HRNR: variants seen among roughly 807,000 people sequenced by gnomAD.
The protein encoded by HRNR is hornerin.
Under a neutral mutation model 4.8 loss-of-function variants are expected in HRNR, and 7 were observed. The observed-to-expected ratio is 1.47, with a 90% CI of 0.83 to 2.75. The LOEUF (loss-of-function observed/expected upper bound fraction) is 2.75, where lower values mean the gene tolerates loss of function less well. Among genes scored for constraint, HRNR ranks in the 30% most tolerant of loss-of-function variants. HRNR has a pLI of 0.00. For synonymous variants in HRNR, 1,023 were observed against 1,242.7 expected (o/e 0.82, Z 3.72); for missense variants, 2,879 against 3,010.4 (o/e 0.96, Z 1.02).
In HRNR at chr1:152,219,230, C is replaced by A. The variant is rs1570841866; in HGVS notation, c.2399G>T (p.Cys800Phe). The A allele has an allele frequency of 1.2e-6, 2 of 1,613,746 alleles. No individual in the cohort carries two copies. Among genetic ancestry groups the A allele is most frequent in the Non-Finnish European group, 1.7e-6 (2 of 1,179,882 alleles). The change falls in exon 3 of 3, where the codon TGT (cysteine) becomes TTT (phenylalanine). Residue 800 changes from cysteine (C) to phenylalanine (F), a missense_variant. Cys to Phe is a radical substitution (Grantham distance 205, BLOSUM62 -2). Around this residue, in one of 8 missense-constraint regions of HRNR, gnomAD observed 2,646 missense variants for 1,377.7 expected, o/e 1.92. Coordinates refer to ENST00000368801, the MANE Select transcript of HRNR (RefSeq NM_001009931.3). The part of the protein sequence containing the change: ...SHGQHGSGTS[C>F]SSSCGHYESG... Reference sequence around the variant, plus strand: ...CTCATAATGGCCACAGCTGGAAGAACAACTTGTGCCAGACCCGTGTTGGCC... The same window carrying A: ...CTCATAATGGCCACAGCTGGAAGAAAAACTTGTGCCAGACCCGTGTTGGCC...
In HRNR at chr1:152,220,581, G is replaced by T. The variant is rs372607550; in HGVS notation, c.1048C>A (p.Gln350Lys). The T allele has an allele frequency of 1.2e-6, 2 of 1,608,176 alleles. No individual in the cohort carries two copies. The highest frequency in any genetic ancestry group is 1.3e-5 in the African/African-American group (1 of 74,864). Residue 350 changes from glutamine to lysine, a missense_variant, in exon 3 of 3, where the codon CAA becomes AAA. This residue lies in a region of HRNR where 2,646 missense variants were observed against 1,377.7 expected (regional missense o/e 1.92). Coordinates refer to ENST00000368801, the MANE Select transcript of HRNR (RefSeq NM_001009931.3). ...GACTGTCCTGAGCCAGACTCATGTT[G>T]CCCAAAGCCAGAAGTCTGGCCTGAG... ...SGSGQTSGFGQHESGSGQSSG... is the reference protein window; with the variant it reads ...SGSGQTSGFGKHESGSGQSSG...
chr1:152,222,984 C>T (rs1249714347), intron 2 of HRNR, 132 bp downstream of exon 2: 5 of 925,752 alleles, frequency 5.4e-6, no homozygotes, highest in Non-Finnish European at 8.2e-6. Context: ...TTATCTCAAA[C>T]TTTTACCAAA....
Position 152,220,308 on chromosome 1 carries a change from G to T in HRNR, c.1321C>A (p.Gln441Lys). Residue 441 changes from glutamine (Q) to lysine (K), a missense_variant, in exon 3 of 3, where the codon CAA becomes AAA. By Grantham distance (53) the Gln-to-Lys change is moderately conservative. Around this residue, in one of 8 missense-constraint regions of HRNR, gnomAD observed 2,646 missense variants for 1,377.7 expected, o/e 1.92. Coordinates refer to ENST00000368801, the MANE Select transcript of HRNR (RefSeq NM_001009931.3). Reference sequence around the variant, plus strand: ...GATCGACCAAAGCCAGTCCCATGTTGGCCGGAGCTGGGAGACTGCCCTGAC... The same window carrying T: ...GATCGACCAAAGCCAGTCCCATGTTTGCCGGAGCTGGGAGACTGCCCTGAC... The part of the protein sequence containing the change: ...SGSGQSPSSG[Q>K]HGTGFGRSSS... 2 of 1,613,970 alleles carry T rather than the reference G, an allele frequency of 1.2e-6. No individual in the cohort carries two copies. Among genetic ancestry groups the T allele is most frequent in the Non-Finnish European group, 1.7e-6 (2 of 1,179,966 alleles).
intron 1 of HRNR, among the ~76,000 whole-genome samples, chr1:152,223,535 T>G (rs985096684): frequency 1.3e-5 from 2 of 152,248 alleles, no homozygotes; most frequent in African/African-American, 4.8e-5. Flanking sequence ...CTTTCTGTTT[T>G]TGGCTTCCTG....
chr1:152,219,105 C>G lies in HRNR; in HGVS notation c.2524G>C (p.Gly842Arg), dbSNP rs1570841456. 6.2e-7 allele frequency: 1 copy of G among 1,612,836 alleles called. No homozygotes were observed. Among genetic ancestry groups the G allele is most frequent in the Non-Finnish European group, 8.5e-7 (1 of 1,179,764 alleles). ...TGCCCTGACGTAGATCCATGTCGTC[C>G]CTGGCTAGAGAAGTGACCTGAGGCA... Reference protein sequence around the residue: ...GSASGHFSSQGRHGSTSGQSS... With the variant: ...GSASGHFSSQRRHGSTSGQSS... Residue 842 changes from glycine to arginine, a missense_variant, in exon 3 of 3, where the codon GGA (glycine) becomes CGA (arginine). Gly to Arg is a moderately radical substitution (Grantham distance 125, BLOSUM62 -2). Coordinates refer to ENST00000368801, the MANE Select transcript of HRNR (RefSeq NM_001009931.3).
rs760742458 is a variant in HRNR at position 152,219,080 on chromosome 1, T to C, written c.2549A>G (p.Gln850Arg). The C allele has an allele frequency of 2.0e-5, 32 of 1,613,528 alleles. No homozygotes were observed. In the South Asian group the frequency reaches 3.4e-4, roughly 17 times the overall value. The change falls in exon 3 of 3, where the codon CAG becomes CGG. Residue 850 changes from glutamine to arginine, a missense_variant. Gln to Arg is a conservative substitution (Grantham distance 43). This residue lies in a region of HRNR where 2,646 missense variants were observed against 1,377.7 expected (regional missense o/e 1.92). Transcript: ENST00000368801. ...GTCATGTTGGCCGGAGCTTGATGAC[T>C]GCCCTGACGTAGATCCATGTCGTCC... is the stretch of plus-strand genomic sequence containing the variant. Reference protein sequence around the residue: ...SQGRHGSTSGQSSSSGQHDSS... With the variant: ...SQGRHGSTSGRSSSSGQHDSS...
In HRNR at chr1:152,221,380, C is replaced by G; in HGVS notation, c.249G>C (p.Gln83His). 1 of 1,613,970 alleles carries G rather than the reference C, an allele frequency of 6.2e-7. No individual in the cohort carries two copies. The highest frequency in any genetic ancestry group is 8.5e-7 in the Non-Finnish European group (1 of 1,180,016). ...EYLLMIFKLV[Q>H]ARNKIIGKDY... ...CTTTGCCAATGATTTTATTACGAGCCTGAACCAGCTTGAATATCATCAGAA... is the reference window on the plus strand; with the variant it reads ...CTTTGCCAATGATTTTATTACGAGCGTGAACCAGCTTGAATATCATCAGAA... The change falls in exon 3 of 3, where the codon CAG (glutamine) becomes CAC (histidine). Residue 83 changes from glutamine to histidine, a missense_variant. By Grantham distance (24) the Gln-to-His change is conservative. Coordinates refer to ENST00000368801, the MANE Select transcript of HRNR (RefSeq NM_001009931.3).
rs770838563 is a variant in HRNR, at chr1:152,218,625, C to T, written c.3004G>A (p.Gly1002Arg). 7.4e-6 allele frequency: 12 copies of T among 1,613,680 alleles called. No homozygotes were observed. Among genetic ancestry groups the T allele is most frequent in the South Asian group, 5.5e-5 (5 of 91,042 alleles). The change falls in exon 3 of 3, where the codon GGA becomes AGA. Residue 1002 changes from glycine to arginine, a missense_variant. By Grantham distance (125) the Gly-to-Arg change is moderately radical. Around this residue, in one of 8 missense-constraint regions of HRNR, gnomAD observed 2,646 missense variants for 1,377.7 expected, o/e 1.92. Transcript: ENST00000368801. ...QSLGHGQHGS[G>R]SGQSPSPSRG... ...CTAGGGCTAGGAGACTGGCCAGATCCAGACCCATGTTGGCCGTGGCCCAAA... is the reference window on the plus strand; with the variant it reads ...CTAGGGCTAGGAGACTGGCCAGATCTAGACCCATGTTGGCCGTGGCCCAAA...
intron 1 of HRNR, 74 bp from the exon 2 acceptor site, chr1:152,223,352 T>A: frequency 1.1e-6 from 1 of 876,232 alleles, no homozygotes; most frequent in South Asian, 1.8e-5. Flanking sequence ...TAGTTCTAAT[T>A]ATTTATAATA....
In HRNR at chr1:152,220,423, C is replaced by T; in HGVS notation, c.1206G>A (p.Gln402=). ...SSSRQSSSYG[Q]HESASRHSSG... is the part of the protein sequence containing the mutation. ...AAGAGTGACGGGAGGCAGACTCATG[C>T]TGACCATAGCTGGAAGACTGACGTG... The change falls in exon 3 of 3, where the codon CAG becomes CAA. Residue 402 remains glutamine, a synonymous_variant. Transcript: ENST00000368801. 1.2e-6 allele frequency: 2 copies of T among 1,613,996 alleles called. No individual in the cohort carries two copies. Among genetic ancestry groups the T allele is most frequent in the African/African-American group, 1.3e-5 (1 of 75,004 alleles).
rs773617840 is a variant in HRNR at position 152,220,266 on chromosome 1, A to G, written c.1363T>C (p.Tyr455His). 3.8e-5 allele frequency: 61 copies of G among 1,613,650 alleles called. No individual in the cohort carries two copies. The highest frequency in any genetic ancestry group is 4.7e-5 in the Non-Finnish European group (55 of 1,179,942). The stretch of plus-strand genomic sequence containing the variant: ...GAAGAGTAGCCTGAACCAGACACAT[A>G]TGGGCCACTGCTGGAAGATCGACCA... ...GFGRSSSSGP[Y>H]VSGSGYSSGF... Residue 455 changes from tyrosine to histidine, a missense_variant, in exon 3 of 3, where the codon TAT (tyrosine) becomes CAT (histidine). Physicochemically the swap from Tyr to His is moderately conservative, Grantham distance 83. Coordinates refer to ENST00000368801, the MANE Select transcript of HRNR (RefSeq NM_001009931.3).
Position 152,219,336 on chromosome 1 carries a change from G to C in HRNR, c.2293C>G (p.His765Asp). Residue 765 changes from histidine (H) to aspartate (D), a missense_variant, in exon 3 of 3, where the codon CAC becomes GAC. By Grantham distance (81) the His-to-Asp change is moderately conservative. Transcript: ENST00000368801. ...CCAGATCCAGACCCTTGTCGGCCGT[G>C]GCCCGAAGATTGATGGGAGCCCGAC... The part of the protein sequence containing the change: ...HGSGSHQSSG[H>D]GRQGSGSGHS... 3.7e-6 allele frequency: 6 copies of C among 1,612,832 alleles called. No individual in the cohort carries two copies. Among genetic ancestry groups the C allele is most frequent in the Non-Finnish European group, 5.1e-6 (6 of 1,179,834 alleles).
chr1:152,223,773 A>G (rs1396469389), intron 1 of HRNR, among the ~76,000 whole-genome samples: 1 of 152,202 alleles, frequency 6.6e-6, no homozygotes, highest in Non-Finnish European at 1.5e-5. Flanking sequence ...CCTAGGTGAT[A>G]TGAAGCTAAG....
At position 152,219,873 on chromosome 1, in the gene HRNR, G is replaced by A. The variant is rs368377685; in HGVS notation, c.1756C>T (p.His586Tyr). The A allele has an allele frequency of 1.9e-5, 31 of 1,613,986 alleles. No individual in the cohort carries two copies. Among genetic ancestry groups the A allele is most frequent in the Non-Finnish European group, 2.5e-5 (29 of 1,180,012 alleles). Residue 586 changes from histidine to tyrosine, a missense_variant, in exon 3 of 3, where the codon CAC (histidine) becomes TAC (tyrosine). This residue lies in a region of HRNR where 2,646 missense variants were observed against 1,377.7 expected (regional missense o/e 1.92). Transcript: ENST00000368801. The stretch of plus-strand genomic sequence containing the variant: ...GACTGTCCTGAGCGAGACTCTTGGT[G>A]ACCTAAGCCAGAAGAGTGACCGGAG... ...SGSGHSSGLG[H>Y]QESRSGQSSG... is the part of the protein sequence containing the mutation.
In HRNR at chr1:152,212,161, A is replaced by C. The variant is rs969209886; in HGVS notation, c.*915T>G. On this transcript the variant is annotated 3_prime_UTR_variant, in exon 3 of 3. Transcript: ENST00000368801. Reference sequence around the variant, plus strand: ...GACTTGAAACAAATGTGTTACAGTCAAATTAAGGAACTATGTAGCAGTGAC... The same window carrying C: ...GACTTGAAACAAATGTGTTACAGTCCAATTAAGGAACTATGTAGCAGTGAC... The C allele has an allele frequency of 3.3e-5, 5 of 152,218 alleles. No homozygotes were observed. Among genetic ancestry groups the C allele is most frequent in the Non-Finnish European group, 7.3e-5 (5 of 68,030 alleles). The allele number at this position is 152,218 out of a possible 1,614,324, so 9.4% of individuals were successfully genotyped here.
chr1:152,221,335 C>G lies in HRNR; in HGVS notation c.294G>C (p.Gly98=). The G allele has an allele frequency of 1.2e-6, 2 of 1,613,978 alleles. No individual in the cohort carries two copies. The highest frequency in any genetic ancestry group is 1.7e-6 in the Non-Finnish European group (2 of 1,180,040). Residue 98 remains glycine (G), a synonymous_variant, in exon 3 of 3, where the codon GGG becomes GGC. Transcript: ENST00000368801. ...GGTGAGTGTCATCTCTCAGCTTTGA[C>G]CCTGAAACTTGGCAGTAATCTTTGC... The part of the protein sequence containing the change: ...IIGKDYCQVS[G]SKLRDDTHQH...
rs1299431876 is a variant in HRNR at position 152,218,373 on chromosome 1, A to C, written c.3256T>G (p.Ser1086Ala). Residue 1086 changes from serine to alanine, a missense_variant, in exon 3 of 3, where the codon TCA becomes GCA. By Grantham distance (99) the Ser-to-Ala change is moderately conservative. Around this residue, in one of 8 missense-constraint regions of HRNR, gnomAD observed 2,646 missense variants for 1,377.7 expected, o/e 1.92. Transcript: ENST00000368801. ...GCTCCATGTTGGCCACAGCTCGATG[A>C]CTGTCCTGATGTAGAACCGTGTTGC... ...HGQHGSTSGQSSSCGQHGASS... is the reference protein window; with the variant it reads ...HGQHGSTSGQASSCGQHGASS... 3.1e-6 allele frequency: 5 copies of C among 1,611,950 alleles called. No individual in the cohort carries two copies. Among genetic ancestry groups the C allele is most frequent in the Non-Finnish European group, 3.4e-6 (4 of 1,179,882 alleles).
chr1:152,220,184 C>T lies in HRNR; in HGVS notation c.1445G>A (p.Gly482Glu), dbSNP rs1269845083. The change falls in exon 3 of 3, where the codon GGA becomes GAA. Residue 482 changes from glycine to glutamate, a missense_variant. By Grantham distance (98) the Gly-to-Glu change is moderately conservative. This residue lies in a region of HRNR where 2,646 missense variants were observed against 1,377.7 expected (regional missense o/e 1.92). Coordinates refer to ENST00000368801, the MANE Select transcript of HRNR (RefSeq NM_001009931.3). ...SEHSSGYTQH[G>E]SGSGHSSGHG... ...GCCGGAGGAGTGACCTGAGCCAGATCCATGCTGAGTGTAACCAGAGGAATG... is the reference window on the plus strand; with the variant it reads ...GCCGGAGGAGTGACCTGAGCCAGATTCATGCTGAGTGTAACCAGAGGAATG... The T allele has an allele frequency of 1.9e-6, 3 of 1,613,826 alleles. No individual in the cohort carries two copies. Among genetic ancestry groups the T allele is most frequent in the Non-Finnish European group, 2.5e-6 (3 of 1,179,818 alleles).
rs142633454 is a variant in HRNR at position 152,219,182 on chromosome 1, C to A, written c.2447G>T (p.Gly816Val). Reference sequence around the variant, plus strand: ...TGAGCCAGACTCGTGTTGCCCAAAACCAGAAGCCTGGCCTGAGCCAGACTC... The same window carrying A: ...TGAGCCAGACTCGTGTTGCCCAAAAACAGAAGCCTGGCCTGAGCCAGACTC... ...HYESGSGQASGFGQHESGSGQ... is the reference protein window; with the variant it reads ...HYESGSGQASVFGQHESGSGQ... Residue 816 changes from glycine to valine, a missense_variant, in exon 3 of 3, where the codon GGT (glycine) becomes GTT (valine). Gly to Val is a moderately radical substitution (Grantham distance 109, BLOSUM62 -3). Around this residue, in one of 8 missense-constraint regions of HRNR, gnomAD observed 2,646 missense variants for 1,377.7 expected, o/e 1.92. Coordinates refer to ENST00000368801, the MANE Select transcript of HRNR (RefSeq NM_001009931.3). 3.7e-3 allele frequency: 5,987 copies of A among 1,613,986 alleles called. 27 individuals are homozygous for A. Among genetic ancestry groups the A allele is most frequent in the Non-Finnish European group, 3.9e-3 (4,618 of 1,180,026 alleles).
Sources: allele counts gnomAD v4.1 joint callset (sites outside exome capture counted in the v4.1 genomes callset), GRCh38; gene constraint gnomAD v4.1.1; regional missense constraint gnomAD v4.1.1; transcripts MANE v1.5; gene names NCBI Gene and HGNC (gene_info 2026-07-23, HGNC 2026-07-21).